CNTNAP2: variants seen among roughly 807,000 people sequenced by gnomAD.
CNTNAP2 encodes contactin-associated protein-like 2.
In CNTNAP2, 98 loss-of-function variants were observed where a neutral mutation model predicts 155.2. That is an observed-to-expected ratio of 0.63 (90% CI 0.54 to 0.75). The LOEUF (loss-of-function observed/expected upper bound fraction) is 0.75. Ranked by LOEUF, CNTNAP2 falls within the 30% of genes least tolerant of loss-of-function variation. CNTNAP2 has a pLI of 0.00. For synonymous variants in CNTNAP2, 651 were observed against 631.2 expected (o/e 1.03, Z -0.47); for missense variants, 1,727 against 1,688.1 (o/e 1.02, Z -0.40).
At position 146,478,166 on chromosome 7, in the gene CNTNAP2, A is replaced by AT. The variant is rs34241351; in HGVS notation, c.98-296101dup. Among the ~76,000 whole-genome samples, 13 of 152,028 alleles carry AT rather than the reference A, an allele frequency of 8.6e-5. No individual in the cohort carries two copies. In the South Asian group the frequency reaches 2.7e-3, roughly 32 times the overall value. ...TTCCTCATTCATATCTCGTCAATTA[A>AT]TTTTCCCCTTTAAGGACCCTTTCAA... is the stretch of plus-strand genomic sequence containing the variant. On this transcript the variant is annotated intron_variant, in intron 1 of 23. Transcript: ENST00000361727.
intron 1 of CNTNAP2, among the ~76,000 whole-genome samples, chr7:146,172,711 A>G (rs973222047): frequency 6.6e-6 from 1 of 152,156 alleles, no homozygotes; most frequent in Non-Finnish European, 1.5e-5. Context: ...TTAATTAGCA[A>G]CCATGTGTAG....
Position 147,011,085 on chromosome 7 carries a change from T to A in CNTNAP2, c.403-32822T>A, listed in dbSNP as rs1185313404. Reference sequence around the variant, plus strand: ...GAGGAATCAAAAGACAAACCCAAATTGATGCATTGTCAATGGGAGAACTGG... The same window carrying A: ...GAGGAATCAAAAGACAAACCCAAATAGATGCATTGTCAATGGGAGAACTGG... On this transcript the variant is annotated intron_variant, in intron 3 of 23. Coordinates refer to ENST00000361727, the MANE Select transcript of CNTNAP2 (RefSeq NM_014141.6). Among the ~76,000 whole-genome samples the A allele has an allele frequency of 3.9e-5, 6 of 151,950 alleles. No individual in the cohort carries two copies. The East Asian group carries it at 7.8e-4, about 20-fold the overall frequency.
At chr7:147,481,927 C>T (rs1413231942) in intron 10 of CNTNAP2, among the ~76,000 whole-genome samples, 1 of 152,018 alleles carries the variant, frequency 6.6e-6, no homozygotes, top group Non-Finnish European at 1.5e-5. Context: ...GCGCAAGAGT[C>T]TGGATTTGAG....
At chr7:148,380,164 C>T (rs1799021353) in intron 21 of CNTNAP2, among the ~76,000 whole-genome samples, 1 of 141,400 alleles carries the variant, frequency 7.1e-6, no homozygotes, top group Admixed American at 6.8e-5. Context: ...CAAGTTTCCC[C>T]CACAAATAAC....
chr7:146,429,587 A>G (rs1796142690), intron 1 of CNTNAP2, among the ~76,000 whole-genome samples: 1 of 152,084 alleles, frequency 6.6e-6, no homozygotes, highest in African/African-American at 2.4e-5. Flanking sequence ...GTATCCTGAG[A>G]CTTTGCTGAA....
chr7:147,137,037 AG>A (rs1801495772), intron 8 of CNTNAP2, among the ~76,000 whole-genome samples: 1 of 151,972 alleles, frequency 6.6e-6, no homozygotes, highest in African/African-American at 2.4e-5. Context: ...AAGCCTTAAA[AG>A]ATGTTACTTC....
At chr7:147,414,580 A>G (rs572291166) in intron 10 of CNTNAP2, among the ~76,000 whole-genome samples, 1 of 152,260 alleles carries the variant, frequency 6.6e-6, no homozygotes, top group Non-Finnish European at 1.5e-5. Flanking sequence ...AAGGAACTGT[A>G]AGTCAGAGTT....
chr7:147,369,615 A>G (rs1796308568), intron 9 of CNTNAP2, among the ~76,000 whole-genome samples: 2 of 152,192 alleles, frequency 1.3e-5, no homozygotes, highest in Non-Finnish European at 2.9e-5. Context: ...CTCTGTCAAA[A>G]TTACTCACCT....
intron 3 of CNTNAP2, among the ~76,000 whole-genome samples, chr7:146,919,844 T>C (rs745969849): frequency 2.0e-5 from 3 of 152,132 alleles, no homozygotes; most frequent in Non-Finnish European, 2.9e-5. Context: ...TGGATTCTTT[T>C]GGCTTTCCTG....
chr7:147,306,443 G>T (rs73742534), intron 9 of CNTNAP2, among the ~76,000 whole-genome samples: 3,814 of 152,234 alleles, frequency 0.025, 154 homozygotes, highest in African/African-American at 0.084. Context: ...TAACCTCTGC[G>T]TAGGACCACG....
intron 3 of CNTNAP2, among the ~76,000 whole-genome samples, chr7:146,914,076 C>T (rs1478572744): frequency 6.6e-6 from 1 of 151,942 alleles, no homozygotes; most frequent in Non-Finnish European, 1.5e-5. Flanking sequence ...GCTATGAATG[C>T]CAATATTTCA....
At chr7:147,634,534 G>C (rs1411608951) in intron 12 of CNTNAP2, among the ~76,000 whole-genome samples, 1 of 151,796 alleles carries the variant, frequency 6.6e-6, no homozygotes, top group Non-Finnish European at 1.5e-5. Flanking sequence ...CAAAATCTCA[G>C]AAATCACCAC....
At chr7:147,352,752 C>T (rs1456638037) in intron 9 of CNTNAP2, among the ~76,000 whole-genome samples, 1 of 151,698 alleles carries the variant, frequency 6.6e-6, no homozygotes, top group Non-Finnish European at 1.5e-5. Context: ...GTTTCAAGGG[C>T]AAAAGTATAT....
intron 1 of CNTNAP2, among the ~76,000 whole-genome samples, chr7:146,274,429 GA>G (rs1300785890): frequency 2.0e-5 from 3 of 152,190 alleles, no homozygotes. Context: ...AGACTAAAAG[GA>G]AGGCATCTGT....
At chr7:148,151,815 C>T (rs1203401101) in intron 17 of CNTNAP2, among the ~76,000 whole-genome samples, 1 of 152,136 alleles carries the variant, frequency 6.6e-6, no homozygotes, top group African/African-American at 2.4e-5. Context: ...CCTCAATATT[C>T]AGAATTATTC....
chr7:146,948,932 AT>A (rs1356142177), intron 3 of CNTNAP2, among the ~76,000 whole-genome samples: 1 of 152,190 alleles, frequency 6.6e-6, no homozygotes, highest in East Asian at 1.9e-4. Flanking sequence ...CAATTTCAAC[AT>A]TACTAGGCTT....
intron 20 of CNTNAP2, among the ~76,000 whole-genome samples, chr7:148,246,880 A>ATT (rs1371560084): frequency 6.6e-6 from 1 of 152,124 alleles, no homozygotes; most frequent in Non-Finnish European, 1.5e-5. Flanking sequence ...GAGTCAGGAA[A>ATT]TTTTCTTTCT....
chr7:147,593,212 A>AT (rs201990418), intron 12 of CNTNAP2, among the ~76,000 whole-genome samples: 1,962 of 141,010 alleles, frequency 0.014, 48 homozygotes, highest in African/African-American at 0.045. Flanking sequence ...ACCTTCCCTT[A>AT]TTTTTTTTTT....
intron 12 of CNTNAP2, among the ~76,000 whole-genome samples, chr7:147,588,959 A>G (rs1197282584): frequency 6.6e-6 from 1 of 152,208 alleles, no homozygotes; most frequent in Non-Finnish European, 1.5e-5. Flanking sequence ...TTATAAGGGT[A>G]TATGTTGATT....
Sources: allele counts gnomAD v4.1 joint callset (sites outside exome capture counted in the v4.1 genomes callset), GRCh38; gene constraint gnomAD v4.1.1; transcripts MANE v1.5; gene names NCBI Gene and HGNC (gene_info 2026-07-23, HGNC 2026-07-21).